RP1: variants seen among roughly 807,000 people sequenced by gnomAD.
The protein encoded by RP1 is RP1 axonemal microtubule associated, also known as oxygen-regulated protein 1.
RP1 carries 16 observed loss-of-function variants against 14.8 expected under a neutral mutation model. The ratio of observed to expected loss-of-function variants is 1.08; its 90% CI spans 0.73 to 1.65. The LOEUF (loss-of-function observed/expected upper bound fraction) is 1.65. Ranked by LOEUF, RP1 falls within the 40% of genes most tolerant of loss-of-function variation. The probability of loss-of-function intolerance (pLI) is 0.00; values close to 1 mark genes in which losing one functional copy is unlikely to be tolerated. For synonymous variants in RP1, 876 were observed against 883.6 expected, an observed-to-expected ratio of 0.99 and a Z score of 0.15; for missense variants, 2,631 against 2,535.0, an observed-to-expected ratio of 1.04 and a Z score of -0.81.
intron 24 of RP1, among the ~76,000 whole-genome samples, chr8:54,812,802 T>TATCTATC (rs934358629): frequency 1.3e-5 from 2 of 148,996 alleles, no homozygotes; most frequent in African/African-American, 5.1e-5. Context: ...TCTATCTATC[T>TATCTATC]ATCTATCTCT....
At chr8:54,676,634 C>T (rs1366464074) in intron 8 of RP1, among the ~76,000 whole-genome samples, 1 of 152,210 alleles carries the variant, frequency 6.6e-6, no homozygotes, top group East Asian at 1.9e-4. Context: ...CCTGCAGGAA[C>T]AGCCTAGCTT....
intron 23 of RP1, among the ~76,000 whole-genome samples, chr8:54,777,168 C>T (rs996706421): frequency 6.6e-6 from 1 of 152,160 alleles, no homozygotes. Context: ...TGAACAGAGC[C>T]TAATATATCT....
intron 12 of RP1, chr8:54,696,324 G>A (rs1807861464): frequency 4.3e-6 from 2 of 459,940 alleles, no homozygotes. Flanking sequence ...ATACAAAATG[G>A]GCTGTGCTGA....
chr8:54,800,619 A>T (rs1376214463), intron 24 of RP1, among the ~76,000 whole-genome samples: 1 of 152,044 alleles, frequency 6.6e-6, no homozygotes, highest in Non-Finnish European at 1.5e-5. Flanking sequence ...TCCCTTGGCC[A>T]TGTTGAATCT....
At chr8:54,730,068 C>T (rs977403990) in intron 17 of RP1, among the ~76,000 whole-genome samples, 1 of 151,914 alleles carries the variant, frequency 6.6e-6, no homozygotes, top group African/African-American at 2.4e-5. Flanking sequence ...GAAGGGACCT[C>T]TGACACATCA....
intron 3 of RP1, among the ~76,000 whole-genome samples, chr8:54,648,344 GTCAGTC>G (rs987693854): frequency 6.6e-6 from 1 of 152,092 alleles, no homozygotes; most frequent in Non-Finnish European, 1.5e-5. Flanking sequence ...ATAATGTTTA[GTCAGTC>G]TCAGTTATGT....
chr8:54,659,033 A>G (rs1333455110), intron 6 of RP1, among the ~76,000 whole-genome samples: 2 of 152,098 alleles, frequency 1.3e-5, no homozygotes, highest in East Asian at 3.8e-4. Flanking sequence ...TGAATTGTCT[A>G]TTCAAGCTCT....
intron 1 of RP1, among the ~76,000 whole-genome samples, chr8:54,589,607 G>A (rs978246873): frequency 6.6e-6 from 1 of 152,084 alleles, no homozygotes; most frequent in Non-Finnish European, 1.5e-5. Context: ...CTAATCATGT[G>A]ACTGTTAAGT....
chr8:54,706,427 G>A lies in RP1; in HGVS notation c.1999-16G>A, dbSNP rs972812575. 62 of 1,535,154 alleles carry A rather than the reference G, an allele frequency of 4.0e-5. 1 individual carries two copies. The highest frequency in any genetic ancestry group is 5.1e-5 in the Non-Finnish European group (58 of 1,146,430). ...CCGTTACTGACTGCCTTTCTGTTCTGTTTGTTGCTCTGAAGGGGGTGTTCC... is the reference window on the plus strand; with the variant it reads ...CCGTTACTGACTGCCTTTCTGTTCTATTTGTTGCTCTGAAGGGGGTGTTCC... On this transcript the variant is annotated splice_polypyrimidine_tract_variant and intron_variant, in intron 14 of 22. Coordinates refer to the RP1 transcript ENST00000636932.
chr8:54,791,881 A>G (rs1810473315), intron 24 of RP1, among the ~76,000 whole-genome samples: 1 of 152,076 alleles, frequency 6.6e-6, no homozygotes, highest in African/African-American at 2.4e-5. Flanking sequence ...TTAAATATAA[A>G]TGGATTAAAT....
At chr8:54,758,901 T>C (rs1047074613) in intron 21 of RP1, 1 of 1,534,584 alleles carries the variant, frequency 6.5e-7, no homozygotes, top group Non-Finnish European at 8.7e-7. Flanking sequence ...TGTGGGTTTT[T>C]TTCTCTGTCT....
At chr8:54,758,143 A>G (rs181086021) in intron 21 of RP1, among the ~76,000 whole-genome samples, 2 of 152,306 alleles carry the variant, frequency 1.3e-5, no homozygotes, top group Admixed American at 1.3e-4. Flanking sequence ...CTAACAGTCA[A>G]CTATCATTTC....
chr8:54,621,701 A>T, intron 2 of RP1, 120 bp downstream of exon 2: 1 of 1,434,460 alleles, frequency 7.0e-7, no homozygotes, highest in South Asian at 1.2e-5. Flanking sequence ...CTGCCTGTGT[A>T]TGTGAGTGTG....
chr8:54,607,457 G>T (rs1404187295), intron 1 of RP1, among the ~76,000 whole-genome samples: 2 of 152,160 alleles, frequency 1.3e-5, no homozygotes, highest in Non-Finnish European at 1.5e-5. Flanking sequence ...TGCCCCTACT[G>T]GGGGGTGCCT....
At chr8:54,588,232 A>G (rs1804975315) in intron 1 of RP1, among the ~76,000 whole-genome samples, 1 of 152,216 alleles carries the variant, frequency 6.6e-6, no homozygotes, top group Non-Finnish European at 1.5e-5. Flanking sequence ...TACAGAAACA[A>G]TGTTTCCACG....
exon 28 of RP1, chr8:54,865,861 G>T (rs1812446026): frequency 1.6e-6 from 2 of 1,228,780 alleles, no homozygotes; most frequent in Middle Eastern, 3.1e-4. Context: ...TGGGAGTATT[G>T]TTGTTAAGTC....
chr8:54,759,265 G>A (rs1008357765), intron 22 of RP1, among the ~76,000 whole-genome samples: 1 of 151,898 alleles, frequency 6.6e-6, no homozygotes, highest in African/African-American at 2.4e-5. Flanking sequence ...GCTAGACATT[G>A]TAAGGAAGAC....
At chr8:54,811,039 T>C (rs2129393033) in intron 24 of RP1, among the ~76,000 whole-genome samples, 1 of 152,326 alleles carries the variant, frequency 6.6e-6, no homozygotes, top group African/African-American at 2.4e-5. Flanking sequence ...GAATAAACCC[T>C]TGTTGGTTGT....
intron 24 of RP1, among the ~76,000 whole-genome samples, chr8:54,798,213 T>C (rs1055416078): frequency 6.6e-6 from 1 of 152,032 alleles, no homozygotes; most frequent in Non-Finnish European, 1.5e-5. Context: ...TGGGGTTTCA[T>C]GTTGCCCAGG....
Sources: gnomAD v4.1 joint callset for allele counts (sites outside exome capture counted in the v4.1 genomes callset) on GRCh38, gnomAD v4.1.1 for gene constraint, MANE v1.5 for transcripts, NCBI Gene and HGNC (gene_info 2026-07-23, HGNC 2026-07-21) for gene names.